TAFAZZIN: variants seen among roughly 807,000 people sequenced by gnomAD.
TAFAZZIN encodes the protein tafazzin, phospholipid-lysophospholipid transacylase, also known as protein G4.5.
In TAFAZZIN, 6 loss-of-function variants were observed where a neutral mutation model predicts 27.3. The observed-to-expected ratio is 0.22, with a 90% CI of 0.12 to 0.43. The LOEUF (loss-of-function observed/expected upper bound fraction) is 0.43. TAFAZZIN is among the 20% of genes least tolerant of loss of function. The pLI, the probability that TAFAZZIN is intolerant of heterozygous loss-of-function variation, is 1.00. For missense variants in TAFAZZIN, 127 were observed against 244.5 expected, an observed-to-expected ratio of 0.52 and a Z score of 3.21; for synonymous variants, 79 against 96.2, an observed-to-expected ratio of 0.82 and a Z score of 1.04.
intron 2 of TAFAZZIN, 96 bp from the exon 3 acceptor site, chrX:154,413,111 T>C: frequency 1.8e-6 from 2 of 1,126,455 alleles, no homozygotes; most frequent in East Asian, 6.0e-5. Context: ...AGGGAAATGG[T>C]AGTGCTGCTG....
chrX:154,412,123 G>A lies in TAFAZZIN; in HGVS notation c.147G>A (p.Val49=), dbSNP rs781869867. Residue 49 remains valine (V), a synonymous_variant, in exon 2 of 11, where the codon GTG becomes GTA. Transcript: ENST00000601016. ...MNHLTVHNRE[V]LYELIEKRGP... ...ACCTGACCGTGCACAACAGGGAGGT[G>A]CTGTACGAGCTCATCGAGAAGCGAG... The A allele has an allele frequency of 8.3e-7, 1 of 1,208,789 alleles. No homozygotes were observed. Among genetic ancestry groups the A allele is most frequent in the Non-Finnish European group, 1.1e-6 (1 of 894,101 alleles).
In TAFAZZIN at chrX:154,421,474, C is replaced by G. The variant is rs743547; in HGVS notation, c.*470C>G. On this transcript the variant is annotated 3_prime_UTR_variant, in exon 11 of 11. Coordinates refer to ENST00000601016, the MANE Select transcript of TAFAZZIN (RefSeq NM_000116.5). ...CTTCCTTCTGCCTGAGCTTCCCCCC[C>G]ACCACAGGCCCTTTCCTCAGGCAAG... is the stretch of plus-strand genomic sequence containing the variant. The G allele has an allele frequency of 0.13, 41,496 of 330,490 alleles. 1,813 individuals are homozygous for G. The highest frequency in any genetic ancestry group is 0.17 in the Admixed American group (5,451 of 32,167). The allele number at this position is 330,490 out of a possible 1,213,427, so 27.2% of individuals were successfully genotyped here.
At position 154,411,890 on chromosome X, in the gene TAFAZZIN, C is replaced by T. The variant is rs1227132566; in HGVS notation, c.47C>T (p.Thr16Ile). ...KWPFPAVPPL[T>I]WTLASSVVMG... ...CCGTTCCCCGCGGTGCCGCCGCTCA[C>T]CTGGACCCTGGCCAGCAGCGTCGTC... is the stretch of plus-strand genomic sequence containing the variant. Residue 16 changes from threonine to isoleucine, a missense_variant, in exon 1 of 11, where the codon ACC (threonine) becomes ATC (isoleucine). By Grantham distance (89) the Thr-to-Ile change is moderately conservative. This residue lies in a region of TAFAZZIN where 17 missense variants were observed against 16.2 expected (regional missense o/e 1.05). Transcript: ENST00000601016. 1 of 1,205,500 alleles carries T rather than the reference C, an allele frequency of 8.3e-7. No homozygotes were observed. The highest frequency in any genetic ancestry group is 1.1e-6 in the Non-Finnish European group (1 of 893,728).
chrX:154,415,150 G>A (rs1375099484), intron 5 of TAFAZZIN, among the ~76,000 whole-genome samples: 3 of 109,853 alleles, frequency 2.7e-5, no homozygotes, highest in African/African-American at 6.6e-5. Context: ...CTGGAGTGCC[G>A]TGGCGTGATG....
chrX:154,414,581 A>C (rs1239516900), intron 5 of TAFAZZIN, among the ~76,000 whole-genome samples: 1 of 107,610 alleles, frequency 9.3e-6, no homozygotes, highest in Non-Finnish European at 1.9e-5. Flanking sequence ...AGTCCCAGCT[A>C]CTCGGGAGGC....
Position 154,420,271 on chromosome X carries a change from G to A in TAFAZZIN, c.699+7G>A, listed in dbSNP as rs2068591931. 8.3e-7 allele frequency: 1 copy of A among 1,209,833 alleles called. No homozygotes were observed. Among genetic ancestry groups the A allele is most frequent in the African/African-American group, 1.7e-5 (1 of 57,171 alleles). On this transcript the variant is annotated splice_region_variant and intron_variant, in intron 9 of 10. Transcript: ENST00000601016. ...CTTCCCCCGCTTTGGACAGGTGGGT[G>A]GGGACTGCTGACCTTCGGCTGTCTG... is the stretch of plus-strand genomic sequence containing the variant.
rs372682805 is a variant in TAFAZZIN at position 154,420,109 on chromosome X, G to A, written c.646+15G>A. The A allele has an allele frequency of 2.9e-5, 35 of 1,210,149 alleles. No individual in the cohort carries two copies. Among genetic ancestry groups the A allele is most frequent in the African/African-American group, 2.1e-4 (12 of 57,324 alleles). On this transcript the variant is annotated intron_variant, in intron 8 of 10. Coordinates refer to ENST00000601016, the MANE Select transcript of TAFAZZIN (RefSeq NM_000116.5). ...GTGGCATGTCGGTGAGCCTGGGGAC[G>A]GGGACAGAGAGATGGCATCTGGGGT...
chrX:154,415,535 G>T (rs1384047608), intron 5 of TAFAZZIN, among the ~76,000 whole-genome samples: 1 of 111,204 alleles, frequency 9.0e-6, no homozygotes, highest in African/African-American at 3.3e-5. Flanking sequence ...TACGTAGGTA[G>T]ATAGATAGAT....
At chrX:154,419,886 G>A in intron 7 of TAFAZZIN, 140 bp downstream of exon 7, 1 of 1,082,963 alleles carries the variant, frequency 9.2e-7, no homozygotes, top group Non-Finnish European at 1.3e-6. Flanking sequence ...GACAGGTGCT[G>A]AGACTAGGCC....
At chrX:154,420,792 C>T (rs2068609211) in intron 10 of TAFAZZIN, 57 bp downstream of exon 10, 1 of 1,190,438 alleles carries the variant, frequency 8.4e-7, no homozygotes, top group Non-Finnish European at 1.1e-6. Flanking sequence ...TGCTGGCTTC[C>T]AGCAGGGTGC....
intron 2 of TAFAZZIN, 53 bp from the exon 3 acceptor site, chrX:154,413,154 G>A (rs782347815): frequency 5.0e-6 from 6 of 1,204,920 alleles, no homozygotes; most frequent in South Asian, 1.8e-5. Context: ...TGAAGGAAGG[G>A]CACTCCCTGG....
chrX:154,413,109 G>A, intron 2 of TAFAZZIN, 98 bp from the exon 3 acceptor site: 7 of 1,124,319 alleles, frequency 6.2e-6, no homozygotes, highest in Non-Finnish European at 7.3e-6. Flanking sequence ...GTAGGGAAAT[G>A]GTAGTGCTGC....
chrX:154,421,518 C>T lies in TAFAZZIN; in HGVS notation c.*514C>T, dbSNP rs1046079511. ...AGGCAAGGTCTGGCCTCAGGTGGGCCGCAGGCGGGAAAAGCAGCCCTTGGC... is the reference window on the plus strand; with the variant it reads ...AGGCAAGGTCTGGCCTCAGGTGGGCTGCAGGCGGGAAAAGCAGCCCTTGGC... On this transcript the variant is annotated 3_prime_UTR_variant, in exon 11 of 11. Transcript: ENST00000601016. The T allele has an allele frequency of 2.4e-5, 8 of 329,632 alleles. No individual in the cohort carries two copies. The highest frequency in any genetic ancestry group is 1.3e-4 in the African/African-American group (5 of 37,990). The allele number at this position is 329,632 out of a possible 1,213,427, so 27.2% of individuals were successfully genotyped here.
intron 5 of TAFAZZIN, among the ~76,000 whole-genome samples, chrX:154,417,326 G>A (rs1036093953): frequency 2.7e-5 from 3 of 111,390 alleles, no homozygotes; most frequent in African/African-American, 9.8e-5. Context: ...AGGCGCCTGT[G>A]GCACCATGGA....
chrX:154,415,981 A>G (rs7053133), intron 5 of TAFAZZIN, among the ~76,000 whole-genome samples: 23,505 of 107,823 alleles, frequency 0.22, 3,057 homozygotes, highest in African/African-American at 0.48. Flanking sequence ...AGCATCTGCC[A>G]GGCGCGGTGG....
At position 154,411,924 on chromosome X, in the gene TAFAZZIN, G is replaced by T; in HGVS notation, c.81G>T (p.Leu27Phe). The T allele has an allele frequency of 8.3e-7, 1 of 1,207,980 alleles. No homozygotes were observed. Among genetic ancestry groups the T allele is most frequent in the South Asian group, 1.8e-5 (1 of 56,544 alleles). The change falls in exon 1 of 11, where the codon TTG (leucine) becomes TTT (phenylalanine). Residue 27 changes from leucine (L) to phenylalanine (F), a missense_variant. Physicochemically the swap from Leu to Phe is conservative, Grantham distance 22. Around this residue, in one of 3 missense-constraint regions of TAFAZZIN, gnomAD observed 79 missense variants for 188.7 expected, o/e 0.42. Transcript: ENST00000601016. ...TGGCCAGCAGCGTCGTCATGGGCTT[G>T]GTGGGCACCTACAGCTGCTTCTGGA... ...WTLASSVVMG[L>F]VGTYSCFWTK...
intron 5 of TAFAZZIN, among the ~76,000 whole-genome samples, chrX:154,415,570 AAGAT>A (rs1482114780): frequency 2.7e-5 from 3 of 111,785 alleles, no homozygotes; most frequent in Admixed American, 9.5e-5. Context: ...ATAGATAGAT[AAGAT>A]AGATAGATTG....
Position 154,415,009 on chromosome X carries a change from AG to A in TAFAZZIN, c.460+820del, listed in dbSNP as rs782498829. On this transcript the variant is annotated intron_variant, in intron 5 of 10. Coordinates refer to ENST00000601016, the MANE Select transcript of TAFAZZIN (RefSeq NM_000116.5). ...CGTCTGGAAAAAAAAAAAAAAAAAA[AG>A]AATTTTGAATTAGCTGGCTGCATTG... 5.5e-5 allele frequency among the ~76,000 whole-genome samples: 6 copies of A among 108,541 alleles called. No individual in the cohort carries two copies. In the South Asian group the frequency reaches 1.2e-3, roughly 21 times the overall value. The allele number at this position is 108,541 out of a possible 115,157, so 94.3% of individuals were successfully genotyped here.
chrX:154,413,037 G>A (rs933616374), intron 2 of TAFAZZIN, 170 bp from the exon 3 acceptor site: 32 of 603,691 alleles, frequency 5.3e-5, no homozygotes, highest in Non-Finnish European at 8.4e-5. Flanking sequence ...GTGGGGGAGA[G>A]GGAGGAGCCA....
Sources: allele counts gnomAD v4.1 joint callset (sites outside exome capture counted in the v4.1 genomes callset), GRCh38; gene constraint gnomAD v4.1.1; regional missense constraint gnomAD v4.1.1; transcripts MANE v1.5; gene names NCBI Gene and HGNC (gene_info 2026-07-23, HGNC 2026-07-21).